CACNA2D3: variants seen among roughly 807,000 people sequenced by gnomAD.
CACNA2D3 encodes calcium voltage-gated channel auxiliary subunit alpha2delta 3, also known as voltage-dependent calcium channel subunit alpha-2/delta-3.
A neutral mutation model predicts 160.6 loss-of-function variants in CACNA2D3; 60 were observed. The ratio of observed to expected loss-of-function variants is 0.37; its 90% CI spans 0.30 to 0.46. CACNA2D3 has a LOEUF of 0.46. Among genes scored for constraint, CACNA2D3 ranks in the 20% least tolerant of loss-of-function variants. The pLI is 1.00. For missense variants in CACNA2D3, 1,205 were observed against 1,365.0 expected, an observed-to-expected ratio of 0.88 and a Z score of 1.85; for synonymous variants, 558 against 492.9, an observed-to-expected ratio of 1.13 and a Z score of -1.75.
At chr3:54,724,886 A>G (rs1701246530) in intron 11 of CACNA2D3, among the ~76,000 whole-genome samples, 1 of 152,228 alleles carries the variant, frequency 6.6e-6, no homozygotes, top group Non-Finnish European at 1.5e-5. Context: ...CAAATTCAAA[A>G]TCTAGCAGAA....
chr3:54,187,043 A>G (rs1352607665), intron 2 of CACNA2D3, among the ~76,000 whole-genome samples: 2 of 152,164 alleles, frequency 1.3e-5, no homozygotes, highest in African/African-American at 4.8e-5. Flanking sequence ...TGGGAATCAG[A>G]TAATCTCTCG....
intron 3 of CACNA2D3, among the ~76,000 whole-genome samples, chr3:54,350,971 T>TTTTTTC (rs1698544938): frequency 1.4e-5 from 1 of 70,040 alleles, no homozygotes; most frequent in Non-Finnish European, 2.8e-5. Flanking sequence ...TGAGTCTGTT[T>TTTTTTC]TTTTTTTTTT....
intron 27 of CACNA2D3, 39 bp from the exon 28 acceptor site, chr3:54,968,411 G>C: frequency 7.6e-7 from 1 of 1,323,424 alleles, no homozygotes; most frequent in Non-Finnish European, 1.1e-6. Flanking sequence ...TTGTGTAAAG[G>C]GATCACTAAT....
intron 4 of CACNA2D3, among the ~76,000 whole-genome samples, chr3:54,455,269 C>G (rs1700377384): frequency 6.6e-6 from 1 of 151,834 alleles, no homozygotes; most frequent in South Asian, 2.1e-4. Context: ...CTTTTTTTGT[C>G]TTTTTGATGA....
At chr3:54,129,987 C>T (rs1464773813) in intron 2 of CACNA2D3, among the ~76,000 whole-genome samples, 3 of 152,212 alleles carry the variant, frequency 2.0e-5, no homozygotes, top group African/African-American at 7.2e-5. Context: ...TGAGTCACGC[C>T]AGTCCAACAG....
intron 35 of CACNA2D3, among the ~76,000 whole-genome samples, chr3:55,068,483 G>A (rs922311138): frequency 3.3e-5 from 5 of 152,064 alleles, no homozygotes; most frequent in African/African-American, 1.2e-4. Flanking sequence ...TGAGTCATGG[G>A]TCACTTAAGT....
chr3:54,170,284 A>G (rs898320010), intron 2 of CACNA2D3, among the ~76,000 whole-genome samples: 1 of 151,896 alleles, frequency 6.6e-6, no homozygotes, highest in Non-Finnish European at 1.5e-5. Flanking sequence ...AGAGACCCAG[A>G]GAAGACCAGG....
At chr3:54,166,179 A>C (rs765885385) in intron 2 of CACNA2D3, among the ~76,000 whole-genome samples, 1 of 152,144 alleles carries the variant, frequency 6.6e-6, no homozygotes, top group Admixed American at 6.5e-5. Context: ...CTGTCTCAAC[A>C]TTTCAAAGAG....
intron 2 of CACNA2D3, among the ~76,000 whole-genome samples, chr3:54,270,111 T>G (rs1702592551): frequency 6.6e-6 from 1 of 152,188 alleles, no homozygotes. Flanking sequence ...CGTGAAAGCG[T>G]TTTTTAAATT....
chr3:54,821,722 T>TTTC lies in CACNA2D3; in HGVS notation c.1398+4852_1398+4853insTTC, dbSNP rs1387325512. Among the ~76,000 whole-genome samples, 264 of 148,090 alleles carry TTTC rather than the reference T, an allele frequency of 1.8e-3. 1 individual carries two copies. The highest frequency in any genetic ancestry group is 6.2e-3 in the African/African-American group (240 of 38,792). On this transcript the variant is annotated intron_variant, in intron 14 of 37. Transcript: ENST00000474759. Reference sequence around the variant, plus strand: ...TTTCCTTCCTTCCTTCTTTCCTCTCTCTCTCTCTCTCTCTTTCTCTCTCTC... The same window carrying TTTC: ...TTTCCTTCCTTCCTTCTTTCCTCTCTTTCCTCTCTCTCTCTCTTTCTCTCTCTC...
intron 4 of CACNA2D3, among the ~76,000 whole-genome samples, chr3:54,462,107 T>A (rs1353890261): frequency 6.6e-6 from 1 of 152,166 alleles, no homozygotes; most frequent in African/African-American, 2.4e-5. Flanking sequence ...TTCTTAATCT[T>A]GAGTTCTAGT....
In CACNA2D3 at chr3:55,051,811, G is replaced by A. The variant is rs570259520; in HGVS notation, c.2988-21634G>A. 4.9e-3 allele frequency among the ~76,000 whole-genome samples: 740 copies of A among 152,302 alleles called. 10 individuals carry two copies. Among genetic ancestry groups the A allele is most frequent in the African/African-American group, 0.017 (701 of 41,564 alleles). On this transcript the variant is annotated intron_variant, in intron 35 of 37. Transcript: ENST00000474759. ...GGTGTGGGATATAATCTCGTGGTGCGCCGTTTTTTAAGCCCGTCGGAAAAG... is the reference window on the plus strand; with the variant it reads ...GGTGTGGGATATAATCTCGTGGTGCACCGTTTTTTAAGCCCGTCGGAAAAG...
At chr3:54,434,004 C>T (rs1426018347) in intron 4 of CACNA2D3, among the ~76,000 whole-genome samples, 3 of 152,172 alleles carry the variant, frequency 2.0e-5, no homozygotes, top group South Asian at 4.1e-4. Flanking sequence ...AGGAGCTAAT[C>T]GTTCCTTGCC....
chr3:54,526,032 T>A (rs1055822726), intron 5 of CACNA2D3, among the ~76,000 whole-genome samples: 1 of 151,918 alleles, frequency 6.6e-6, no homozygotes, highest in Admixed American at 6.6e-5. Flanking sequence ...CTGTTTTTTT[T>A]AATTGCATAA....
At chr3:54,909,366 C>T (rs1365080136) in intron 27 of CACNA2D3, among the ~76,000 whole-genome samples, 1 of 151,752 alleles carries the variant, frequency 6.6e-6, no homozygotes, top group Admixed American at 6.6e-5. Flanking sequence ...ATTTATTTAA[C>T]CGCCTTTATC....
rs574212682 is a variant in CACNA2D3, at chr3:54,410,344, G to C, written c.381+23570G>C. Among the ~76,000 whole-genome samples, 5 of 152,128 alleles carry C rather than the reference G, an allele frequency of 3.3e-5. No individual in the cohort carries two copies. The South Asian group carries it at 1.0e-3, about 32-fold the overall frequency. On this transcript the variant is annotated intron_variant, in intron 4 of 37. Coordinates refer to ENST00000474759, the MANE Select transcript of CACNA2D3 (RefSeq NM_018398.3). ...TCTCCAGCCTGGGCAACAGAGCAAGGCTCTGTCCCAGGAAAAAGAAAAAAA... is the reference window on the plus strand; with the variant it reads ...TCTCCAGCCTGGGCAACAGAGCAAGCCTCTGTCCCAGGAAAAAGAAAAAAA...
chr3:54,779,577 TCTCC>T (rs1702493507), intron 13 of CACNA2D3, among the ~76,000 whole-genome samples: 1 of 152,166 alleles, frequency 6.6e-6, no homozygotes, highest in Non-Finnish European at 1.5e-5. Context: ...CGCTGGCCAT[TCTCC>T]CTCACTCTCA....
chr3:55,012,784 A>G (rs1169189144), intron 34 of CACNA2D3, among the ~76,000 whole-genome samples: 2 of 152,068 alleles, frequency 1.3e-5, no homozygotes, highest in Non-Finnish European at 2.9e-5. Flanking sequence ...CGATAATGCC[A>G]CTGTTGAGAA....
chr3:54,464,181 A>G (rs1376709385), intron 4 of CACNA2D3, among the ~76,000 whole-genome samples: 1 of 152,082 alleles, frequency 6.6e-6, no homozygotes, highest in Non-Finnish European at 1.5e-5. Flanking sequence ...GTCTGCCCCT[A>G]CTGGGGGGTG....
Sources: gnomAD v4.1 joint callset for allele counts (sites outside exome capture counted in the v4.1 genomes callset) on GRCh38, gnomAD v4.1.1 for gene constraint, MANE v1.5 for transcripts, NCBI Gene and HGNC (gene_info 2026-07-23, HGNC 2026-07-21) for gene names.